The following GRB2 variants were observed in gnomAD, a reference collection of about 807,000 sequenced individuals.
The protein encoded by GRB2 is growth factor receptor bound protein 2, also known as growth factor receptor-bound protein 2.
In GRB2, 2 loss-of-function variants were observed where a neutral mutation model predicts 27.4. The observed-to-expected ratio is 0.07, with a 90% CI of 0.03 to 0.23. The LOEUF (loss-of-function observed/expected upper bound fraction) is 0.23. Ranked by LOEUF, GRB2 falls within the 10% of genes least tolerant of loss-of-function variation. The pLI is 1.00. For missense variants in GRB2, 102 were observed against 282.4 expected (o/e 0.36, Z 4.58); for synonymous variants, 94 against 99.6 (o/e 0.94, Z 0.33).
rs71361670 is a variant in GRB2 at position 75,337,901 on chromosome 17, CTATTATTAT to C, written c.79-5113_79-5105del. ...ACTACTACTACTACTACTACTACTA[CTATTATTAT>C]TATTATTATTATTATTATTATTATT... On this transcript the variant is annotated intron_variant, in intron 2 of 5. Transcript: ENST00000316804. Among the ~76,000 whole-genome samples the C allele has an allele frequency of 4.8e-3, 565 of 117,322 alleles. 7 individuals carry two copies. The highest frequency in any genetic ancestry group is 0.017 in the African/African-American group (403 of 24,188). 77.0% of individuals were successfully genotyped at this position (117,322 alleles called of 152,430 possible).
At chr17:75,348,630 T>C (rs1076094) in intron 2 of GRB2, among the ~76,000 whole-genome samples, 92,851 of 152,076 alleles carry the variant, frequency 0.61, 32,983 homozygotes, top group East Asian at 0.87. Context: ...ATAAGGGAAA[T>C]TGCTGATTTT....
intron 3 of GRB2, among the ~76,000 whole-genome samples, chr17:75,332,451 C>T (rs868654840): frequency 2.0e-5 from 3 of 152,112 alleles, no homozygotes; most frequent in Non-Finnish European, 2.9e-5. Flanking sequence ...AAAAGAATTA[C>T]GGACCTGCAC....
chr17:75,384,887 T>C (rs2078952427), intron 2 of GRB2, among the ~76,000 whole-genome samples: 1 of 150,988 alleles, frequency 6.6e-6, no homozygotes, highest in Admixed American at 6.6e-5. Context: ...TTTGACCTCA[T>C]TTGTGTATAG....
At chr17:75,347,659 G>A (rs1020900311) in intron 2 of GRB2, among the ~76,000 whole-genome samples, 1 of 152,154 alleles carries the variant, frequency 6.6e-6, no homozygotes, top group Non-Finnish European at 1.5e-5. Flanking sequence ...CTCAGACACA[G>A]GACAAGACCT....
At chr17:75,323,510 T>C (rs2078474784) in intron 4 of GRB2, among the ~76,000 whole-genome samples, 1 of 152,168 alleles carries the variant, frequency 6.6e-6, no homozygotes, top group Admixed American at 6.5e-5. Context: ...TGACAACTGT[T>C]GATTCTTGAA....
chr17:75,323,763 T>C (rs2078476619), intron 4 of GRB2, among the ~76,000 whole-genome samples: 2 of 152,032 alleles, frequency 1.3e-5, no homozygotes, highest in South Asian at 2.1e-4. Flanking sequence ...CTTGGGTCAG[T>C]ATAAAACTAA....
chr17:75,351,499 A>T (rs2078691941), intron 2 of GRB2, among the ~76,000 whole-genome samples: 1 of 152,188 alleles, frequency 6.6e-6, no homozygotes, highest in African/African-American at 2.4e-5. Context: ...AAATAGAACA[A>T]AAAAGTTAGC....
chr17:75,384,749 A>G (rs1280384279), intron 2 of GRB2, among the ~76,000 whole-genome samples: 1 of 152,120 alleles, frequency 6.6e-6, no homozygotes, highest in Non-Finnish European at 1.5e-5. Flanking sequence ...GAAGAGTAAA[A>G]GTCACCTGAA....
chr17:75,392,907 T>A (rs984948929), intron 2 of GRB2, among the ~76,000 whole-genome samples: 1 of 152,222 alleles, frequency 6.6e-6, no homozygotes, highest in Non-Finnish European at 1.5e-5. Flanking sequence ...TTTCTTTTCG[T>A]GCAATTAGAG....
chr17:75,394,975 G>A (rs117750263), intron 1 of GRB2: 2 of 152,040 alleles, frequency 1.3e-5, no homozygotes, highest in East Asian at 1.9e-4. Context: ...TGGTTAGCTC[G>A]GTCACTGTTT....
chr17:75,374,802 GA>G (rs530506284), intron 2 of GRB2, among the ~76,000 whole-genome samples: 7 of 149,936 alleles, frequency 4.7e-5, no homozygotes, highest in East Asian at 1.9e-4. Flanking sequence ...AAGAAAAGAA[GA>G]AAAAAAAAGC....
chr17:75,355,847 A>C (rs1309919560), intron 2 of GRB2, among the ~76,000 whole-genome samples: 1 of 142,910 alleles, frequency 7.0e-6, no homozygotes, highest in Non-Finnish European at 1.5e-5. Flanking sequence ...TTAAAGAGAC[A>C]GAGTCTTGCT....
intron 2 of GRB2, among the ~76,000 whole-genome samples, chr17:75,366,584 A>G (rs1433733730): frequency 6.6e-6 from 1 of 151,252 alleles, no homozygotes; most frequent in Non-Finnish European, 1.5e-5. Context: ...GGATCACTTG[A>G]GCCCAGGAAT....
chr17:75,383,961 CA>C (rs1325798352), intron 2 of GRB2, among the ~76,000 whole-genome samples: 15 of 152,206 alleles, frequency 9.9e-5, no homozygotes, highest in Non-Finnish European at 1.3e-4. Context: ...ATGTCAGAAC[CA>C]AAACACAAAG....
intron 2 of GRB2, among the ~76,000 whole-genome samples, chr17:75,377,831 C>T (rs8064776): frequency 0.89 from 134,715 of 152,082 alleles, 60,506 homozygotes; most frequent in Non-Finnish European, 0.96. Flanking sequence ...TGCTTGAACC[C>T]GGGAGGCAGA....
chr17:75,388,091 T>C (rs1305302879), intron 2 of GRB2, among the ~76,000 whole-genome samples: 1 of 152,108 alleles, frequency 6.6e-6, no homozygotes, highest in Non-Finnish European at 1.5e-5. Flanking sequence ...AACTGCTCCC[T>C]TCCTTTTTTG....
At chr17:75,364,380 A>C (rs529308456) in intron 2 of GRB2, among the ~76,000 whole-genome samples, 178 of 152,364 alleles carry the variant, frequency 1.2e-3, no homozygotes, top group African/African-American at 3.8e-3. Context: ...ACCAGAATTC[A>C]TGACAAATTA....
intron 1 of GRB2, among the ~76,000 whole-genome samples, chr17:75,400,480 C>T (rs2079056741): frequency 6.6e-6 from 1 of 151,388 alleles, no homozygotes; most frequent in Admixed American, 6.6e-5. Flanking sequence ...CCTCATGCTC[C>T]TTTTTTCTTT....
At chr17:75,400,266 T>C (rs1444207741) in intron 1 of GRB2, among the ~76,000 whole-genome samples, 1 of 151,986 alleles carries the variant, frequency 6.6e-6, no homozygotes, top group Non-Finnish European at 1.5e-5. Context: ...CTCCGCCTCC[T>C]GAGTTCCAGC....
Sources: gnomAD v4.1 joint callset for allele counts (sites outside exome capture counted in the v4.1 genomes callset) on GRCh38, gnomAD v4.1.1 for gene constraint, MANE v1.5 for transcripts, NCBI Gene and HGNC (gene_info 2026-07-23, HGNC 2026-07-21) for gene names.